The following VSX2 variants were observed in gnomAD, a reference collection of about 807,000 sequenced individuals.
The protein encoded by VSX2 is visual system homeobox 2.
VSX2 carries 28 observed loss-of-function variants against 32.1 expected under a neutral mutation model. The observed-to-expected ratio is 0.87, with a 90% CI of 0.65 to 1.20. VSX2 has a LOEUF of 1.20. Ranked by LOEUF, VSX2 falls within the 50% of genes most tolerant of loss-of-function variation. The pLI is 0.00. For missense variants in VSX2, 506 were observed against 488.7 expected (o/e 1.04, Z -0.33); for synonymous variants, 243 against 214.1 (o/e 1.14, Z -1.18).
At chr14:74,251,211 A>T (rs59471753) in intron 3 of VSX2, among the ~76,000 whole-genome samples, 1,655 of 152,166 alleles carry the variant, frequency 0.011, 25 homozygotes, top group African/African-American at 0.037. Flanking sequence ...GCACTTTGGG[A>T]GGCCAAGGTG....
At chr14:74,248,268 G>A (rs1809324193) in intron 3 of VSX2, among the ~76,000 whole-genome samples, 1 of 144,224 alleles carries the variant, frequency 6.9e-6, no homozygotes, top group South Asian at 2.3e-4. Context: ...GCTCAGGCCT[G>A]TAATCCTAGC....
At position 74,239,813 on chromosome 14, in the gene VSX2, C is replaced by G. The variant is rs1455881421; in HGVS notation, c.252C>G (p.Leu84=). Residue 84 remains leucine, a synonymous_variant, in exon 1 of 5, where the codon CTC becomes CTG. Transcript: ENST00000261980. ...GGMGLLGPGG[L]PGFYTQPTFL... is the part of the protein sequence containing the mutation. ...TGGGGCTTCTGGGGCCCGGGGGGCTCCCTGGCTTCTACACGCAGCCCACCT... is the reference window on the plus strand; with the variant it reads ...TGGGGCTTCTGGGGCCCGGGGGGCTGCCTGGCTTCTACACGCAGCCCACCT... 1 of 1,572,022 alleles carries G rather than the reference C, an allele frequency of 6.4e-7. No individual in the cohort carries two copies. The highest frequency in any genetic ancestry group is 1.2e-5 in the South Asian group (1 of 85,662).
chr14:74,260,078 C>A (rs1006622497), intron 4 of VSX2, among the ~76,000 whole-genome samples: 5 of 152,108 alleles, frequency 3.3e-5, no homozygotes, highest in Non-Finnish European at 5.9e-5. Context: ...TCTGTACCCT[C>A]CTCTCCCCTT....
chr14:74,243,317 C>T (rs2079163388), intron 2 of VSX2, among the ~76,000 whole-genome samples: 1 of 152,138 alleles, frequency 6.6e-6, no homozygotes, highest in Non-Finnish European at 1.5e-5. Flanking sequence ...CCTCTTCAGA[C>T]TGGACACAAC....
chr14:74,258,949 C>G (rs1052054254), intron 3 of VSX2, among the ~76,000 whole-genome samples: 2 of 152,200 alleles, frequency 1.3e-5, no homozygotes, highest in African/African-American at 4.8e-5. Flanking sequence ...AGGCTCGGAG[C>G]TGTGGGGAGC....
chr14:74,258,873 T>G (rs1303901971), intron 3 of VSX2, among the ~76,000 whole-genome samples: 2 of 152,184 alleles, frequency 1.3e-5, no homozygotes, highest in Admixed American at 6.5e-5. Flanking sequence ...TCCTCCCATT[T>G]GCTCCTCAAC....
rs1466959199 is a variant in VSX2 at position 74,255,599 on chromosome 14, C to T, written c.580-4003C>T. Among the ~76,000 whole-genome samples, 3 of 152,184 alleles carry T rather than the reference C, an allele frequency of 2.0e-5. No individual in the cohort carries two copies. In the East Asian group the frequency reaches 5.8e-4, roughly 29 times the overall value. ...CAGGAAAATAGTTCTGTTTATAGGC[C>T]CCAGAGATGATCAGAATCCCGAGTC... On this transcript the variant is annotated intron_variant, in intron 3 of 4. Coordinates refer to ENST00000261980, the MANE Select transcript of VSX2 (RefSeq NM_182894.3).
At chr14:74,239,987 C>T in intron 1 of VSX2, 56 bp downstream of exon 1, 1 of 1,535,936 alleles carries the variant, frequency 6.5e-7, no homozygotes, top group East Asian at 2.5e-5. Flanking sequence ...CCGGGAGCCC[C>T]GCGCCGTCGG....
intron 3 of VSX2, among the ~76,000 whole-genome samples, chr14:74,246,051 G>T (rs779569912): frequency 1.3e-5 from 2 of 152,244 alleles, no homozygotes; most frequent in African/African-American, 4.8e-5. Context: ...GCAGGAGTAG[G>T]GCTGTGGAAT....
Position 74,239,833 on chromosome 14 carries a change from C to G in VSX2, c.272C>G (p.Pro91Arg), listed in dbSNP as rs2079137255. 9 of 1,577,284 alleles carry G rather than the reference C, an allele frequency of 5.7e-6. No homozygotes were observed. The African/African-American group carries it at 6.7e-5, about 12-fold the overall frequency. Residue 91 changes from proline to arginine, a missense_variant, in exon 1 of 5, where the codon CCC becomes CGC. Physicochemically the swap from Pro to Arg is moderately radical, Grantham distance 103. Transcript: ENST00000261980. ...GGGCTCCCTGGCTTCTACACGCAGC[C>G]CACCTTCCTGGAAGTGCTGTCCGAC... ...PGGLPGFYTQ[P>R]TFLEVLSDPQ...
chr14:74,245,004 G>GAC (rs2079182334), intron 2 of VSX2, among the ~76,000 whole-genome samples, 161 bp from the exon 3 acceptor site: 2 of 128,184 alleles, frequency 1.6e-5, no homozygotes, highest in African/African-American at 2.9e-5. Context: ...GAGAGAGAGA[G>GAC]AGACAGAGAG....
chr14:74,244,917 TGTGTGTGTGTGTGAAAGA>T (rs2079176511), intron 2 of VSX2, among the ~76,000 whole-genome samples: 2 of 51,962 alleles, frequency 3.8e-5, no homozygotes, highest in African/African-American at 8.3e-5. Context: ...TGTGTGTGTG[TGTGTGTGTGTGTGAAAGA>T]GAGAGAGAAA....
Position 74,259,618 on chromosome 14 carries a change from G to T in VSX2, c.596G>T (p.Arg199Leu). The change falls in exon 4 of 5, where the codon CGT (arginine) becomes CTT (leucine). Residue 199 changes from arginine to leucine, a missense_variant. Physicochemically the swap from Arg to Leu is moderately radical, Grantham distance 102. Coordinates refer to ENST00000261980, the MANE Select transcript of VSX2 (RefSeq NM_182894.3). ...CACCTGCAGGTCTGGTTCCAGAACC[G>T]TCGAGCCAAGTGGAGGAAGCGGGAG... is the stretch of plus-strand genomic sequence containing the variant. ...EDRIQVWFQN[R>L]RAKWRKREKC... 3.1e-6 allele frequency: 5 copies of T among 1,614,166 alleles called. No individual in the cohort carries two copies. The highest frequency in any genetic ancestry group is 4.2e-6 in the Non-Finnish European group (5 of 1,180,014).
chr14:74,257,959 A>C (rs1387235805), intron 3 of VSX2, among the ~76,000 whole-genome samples: 1 of 151,962 alleles, frequency 6.6e-6, no homozygotes, highest in African/African-American at 2.4e-5. Context: ...TCAAGCAATC[A>C]AGTCGGAGGA....
Position 74,259,467 on chromosome 14 carries a change from G to C in VSX2, c.580-135G>C, listed in dbSNP as rs1366259470. 28 of 929,130 alleles carry C rather than the reference G, an allele frequency of 3.0e-5. No homozygotes were observed. In the East Asian group the frequency reaches 7.1e-4, roughly 24 times the overall value. The allele number at this position is 929,130 out of a possible 1,614,324, so 57.6% of individuals were successfully genotyped here. On this transcript the variant is annotated intron_variant, in intron 3 of 4. Coordinates refer to ENST00000261980, the MANE Select transcript of VSX2 (RefSeq NM_182894.3). ...CTCCCTGAGCCTGGAGGAACACAGA[G>C]GGCACCATGGAGTAGGCGAGCTTAG...
At chr14:74,260,514 C>A (rs1594759091) in intron 4 of VSX2, 80 bp from the exon 5 acceptor site, 1 of 1,389,598 alleles carries the variant, frequency 7.2e-7, no homozygotes, top group Non-Finnish European at 1.0e-6. Flanking sequence ...ATTCTGGCCT[C>A]TCTCTATCTT....
At chr14:74,255,663 A>T (rs1420123907) in intron 3 of VSX2, among the ~76,000 whole-genome samples, 1 of 152,184 alleles carries the variant, frequency 6.6e-6, no homozygotes, top group Admixed American at 6.5e-5. Context: ...TGCTGTTTCC[A>T]TCTGAGAAAC....
intron 2 of VSX2, among the ~76,000 whole-genome samples, chr14:74,243,377 G>A (rs578127433): frequency 1.3e-5 from 2 of 152,270 alleles, no homozygotes; most frequent in East Asian, 3.9e-4. Context: ...CACAGGCTGG[G>A]TCACATTATG....
At chr14:74,240,994 C>A (rs560309482) in intron 1 of VSX2, among the ~76,000 whole-genome samples, 188 bp from the exon 2 acceptor site, 1 of 152,202 alleles carries the variant, frequency 6.6e-6, no homozygotes, top group African/African-American at 2.4e-5. Flanking sequence ...CGGATTCGGG[C>A]CCCGGCGCGG....
Sources: allele counts gnomAD v4.1 joint callset (sites outside exome capture counted in the v4.1 genomes callset), GRCh38; gene constraint gnomAD v4.1.1; transcripts MANE v1.5; gene names NCBI Gene and HGNC (gene_info 2026-07-23, HGNC 2026-07-21).